UBE2E1: variants seen among roughly 807,000 people sequenced by gnomAD.
The protein encoded by UBE2E1 is ubiquitin conjugating enzyme E2 E1.
In UBE2E1, 6 loss-of-function variants were observed where a neutral mutation model predicts 21.4. The observed-to-expected ratio is 0.28, with a 90% CI of 0.15 to 0.55. The LOEUF (loss-of-function observed/expected upper bound fraction) is 0.55. Ranked by LOEUF, UBE2E1 falls within the 20% of genes least tolerant of loss-of-function variation. The probability of loss-of-function intolerance (pLI) is 0.93; values close to 1 mark genes in which losing one functional copy is unlikely to be tolerated. For synonymous variants in UBE2E1, 87 were observed against 82.7 expected (o/e 1.05, Z -0.28); for missense variants, 142 against 236.5 (o/e 0.60, Z 2.62).
At chr3:23,833,045 G>A in intron 3 of UBE2E1, among the ~76,000 whole-genome samples, 1 of 151,986 alleles carries the variant, frequency 6.6e-6, no homozygotes, top group South Asian at 2.1e-4. Flanking sequence ...AAAAGTGGGA[G>A]AAAAAGAAAA....
rs144369316 is a variant in UBE2E1, at chr3:23,818,517, T to C, written c.203+7007T>C. Among the ~76,000 whole-genome samples the C allele has an allele frequency of 1.9e-4, 29 of 152,350 alleles. 1 individual carries two copies. Among genetic ancestry groups the C allele is most frequent in the Admixed American group, 1.6e-3 (24 of 15,300 alleles). On this transcript the variant is annotated intron_variant, in intron 3 of 5. Coordinates refer to ENST00000306627, the MANE Select transcript of UBE2E1 (RefSeq NM_003341.5). ...ACAGCTACAGGAGATGTTAAAAGAA[T>C]GATACAGCAAGCGCCCACCCTTCAC... is the stretch of plus-strand genomic sequence containing the variant.
intron 3 of UBE2E1, among the ~76,000 whole-genome samples, chr3:23,847,556 G>A (rs1468913220): frequency 7.2e-6 from 1 of 138,136 alleles, no homozygotes; most frequent in East Asian, 2.2e-4. Context: ...GTGCAGTGGT[G>A]CGATCTCAGC....
chr3:23,806,212 G>T lies in UBE2E1; in HGVS notation c.-34+124G>T, dbSNP rs1175025634. On this transcript the variant is annotated intron_variant, in intron 1 of 5. Transcript: ENST00000306627. The surrounding 1 kb of genome is among the most constrained non-coding windows in gnomAD (Gnocchi z 6.5). ...CCGGGCCGCAGGGCACGGGGCCGGC[G>T]CGGGGGGGGAGCGGAGAGGGGCTGG... 1 of 148,138 alleles carries T rather than the reference G, an allele frequency of 6.8e-6. No individual in the cohort carries two copies. The highest frequency in any genetic ancestry group is 6.7e-5 in the Admixed American group (1 of 14,964). 9.2% of individuals were successfully genotyped at this position (148,138 alleles called of 1,614,324 possible).
At chr3:23,846,766 A>G (rs994823589) in intron 3 of UBE2E1, among the ~76,000 whole-genome samples, 8 of 151,640 alleles carry the variant, frequency 5.3e-5, no homozygotes, top group Admixed American at 4.6e-4. Flanking sequence ...GCTGTATTTA[A>G]TAAGTCTTGG....
chr3:23,830,070 T>G lies in UBE2E1; in HGVS notation c.203+18560T>G, dbSNP rs746836552. ...AGATACTTTGTCAAGAAAATATCTT[T>G]GGAAAAATCATGCATATATTATTTT... On this transcript the variant is annotated intron_variant, in intron 3 of 5. Coordinates refer to ENST00000306627, the MANE Select transcript of UBE2E1 (RefSeq NM_003341.5). Among the ~76,000 whole-genome samples, 248 of 152,350 alleles carry G rather than the reference T, an allele frequency of 1.6e-3. 1 individual carries two copies. The highest frequency in any genetic ancestry group is 2.3e-3 in the Non-Finnish European group (159 of 68,034).
Position 23,810,671 on chromosome 3 carries a change from C to A in UBE2E1, c.153-789C>A. ...GGTGTTCGCGCCCTGCTTTCGCGCG[C>A]GGTCTCGGGCCAAGGTTCTGGGCGC... is the stretch of plus-strand genomic sequence containing the variant. On this transcript the variant is annotated intron_variant, in intron 2 of 5. Coordinates refer to ENST00000306627, the MANE Select transcript of UBE2E1 (RefSeq NM_003341.5). The surrounding 1 kb of genome is among the most constrained non-coding windows in gnomAD (Gnocchi z 5.8). The A allele has an allele frequency of 4.0e-6, 3 of 750,820 alleles. No individual in the cohort carries two copies. Among genetic ancestry groups the A allele is most frequent in the Non-Finnish European group, 6.0e-6 (3 of 495,884 alleles). 46.5% of individuals were successfully genotyped at this position (750,820 alleles called of 1,614,324 possible). A position where few individuals can be genotyped will look rare whatever the true frequency, so the allele number is the denominator to read the frequency against.
intron 3 of UBE2E1, among the ~76,000 whole-genome samples, chr3:23,873,450 A>AT (rs5847259): frequency 0.77 from 116,695 of 152,024 alleles, 45,342 homozygotes; most frequent in African/African-American, 0.85. Context: ...CAGCAGCAAA[A>AT]TGTCAGAATT....
rs199574659 is a variant in UBE2E1, at chr3:23,889,929, T to TAC, written c.485-570_485-569dup. 2.8e-3 allele frequency: 429 copies of TAC among 155,990 alleles called. 12 individuals are homozygous for TAC. The South Asian group carries it at 0.041, about 15-fold the overall frequency. 9.7% of individuals were successfully genotyped at this position (155,990 alleles called of 1,614,324 possible). A position where few individuals can be genotyped will look rare whatever the true frequency, so the allele number is the denominator to read the frequency against. On this transcript the variant is annotated intron_variant, in intron 5 of 5. Coordinates refer to ENST00000306627, the MANE Select transcript of UBE2E1 (RefSeq NM_003341.5). ...ATATATATACACATATGTATATATA[T>TAC]ACACACACACAGACAAATATATTTT...
intron 3 of UBE2E1, among the ~76,000 whole-genome samples, chr3:23,821,630 G>A (rs546807846): frequency 7.9e-5 from 12 of 152,276 alleles, no homozygotes; most frequent in Admixed American, 5.9e-4. Flanking sequence ...GGGACCTGTT[G>A]TTGGATTGCA....
intron 3 of UBE2E1, among the ~76,000 whole-genome samples, chr3:23,811,957 A>AT (rs1028228705): frequency 1.3e-5 from 2 of 152,226 alleles, no homozygotes; most frequent in Non-Finnish European, 2.9e-5. Flanking sequence ...TAGCATATAG[A>AT]TTTTTTATTA....
At chr3:23,845,247 A>G (rs535745388) in intron 3 of UBE2E1, among the ~76,000 whole-genome samples, 2 of 152,340 alleles carry the variant, frequency 1.3e-5, no homozygotes, top group South Asian at 2.1e-4. Context: ...AATGGACAGG[A>G]TATTTTCTTC....
In UBE2E1 at chr3:23,836,761, C is replaced by T. The variant is rs965748949; in HGVS notation, c.203+25251C>T. On this transcript the variant is annotated intron_variant, in intron 3 of 5. Transcript: ENST00000306627. This position sits in a 1 kb window ranked among gnomAD's most constrained non-coding sequence, Gnocchi z 4.1. ...ACCATTGTACACTCTCTACCGTGTC[C>T]CTCAGGGGCATGTGAAAGTAAATGA... Among the ~76,000 whole-genome samples the T allele has an allele frequency of 1.3e-5, 2 of 152,052 alleles. No homozygotes were observed. The highest frequency in any genetic ancestry group is 2.1e-4 in the South Asian group (1 of 4,806).
At chr3:23,889,645 A>T in intron 5 of UBE2E1, 1 of 985,410 alleles carries the variant, frequency 1.0e-6, no homozygotes, top group South Asian at 4.7e-5. Flanking sequence ...TTCAGTGAGC[A>T]TGTGTCCCAT....
At chr3:23,845,967 A>G (rs566971147) in intron 3 of UBE2E1, among the ~76,000 whole-genome samples, 92 of 152,324 alleles carry the variant, frequency 6.0e-4, no homozygotes, top group Admixed American at 5.9e-3. Flanking sequence ...CTAGTAGACC[A>G]AACAGAAACA....
chr3:23,814,087 G>A (rs969404702), intron 3 of UBE2E1, among the ~76,000 whole-genome samples: 1 of 151,960 alleles, frequency 6.6e-6, no homozygotes, highest in African/African-American at 2.4e-5. Flanking sequence ...TAACTTCTCA[G>A]TAAATACAAA....
At chr3:23,841,132 T>TG (rs565704127) in intron 3 of UBE2E1, among the ~76,000 whole-genome samples, 234 of 152,344 alleles carry the variant, frequency 1.5e-3, no homozygotes, top group Non-Finnish European at 2.9e-3. Flanking sequence ...CTTTTAGAGA[T>TG]GCGGGTGAAC....
intron 3 of UBE2E1, among the ~76,000 whole-genome samples, chr3:23,812,315 T>G (rs767563604): frequency 5.3e-5 from 8 of 152,190 alleles, no homozygotes; most frequent in Non-Finnish European, 1.2e-4. Flanking sequence ...AGTATAACAT[T>G]TAACCTAGTT....
At chr3:23,872,180 G>T (rs993340942) in intron 3 of UBE2E1, among the ~76,000 whole-genome samples, 1 of 152,152 alleles carries the variant, frequency 6.6e-6, no homozygotes, top group Non-Finnish European at 1.5e-5. Context: ...AGACCAGCCC[G>T]GCCAACACAG....
intron 3 of UBE2E1, among the ~76,000 whole-genome samples, chr3:23,882,763 G>A (rs1054102194): frequency 3.9e-5 from 6 of 152,224 alleles, no homozygotes; most frequent in Admixed American, 2.6e-4. Flanking sequence ...CGCACCCTCT[G>A]CAGCTGCTGG....
Sources: allele counts gnomAD v4.1 joint callset (sites outside exome capture counted in the v4.1 genomes callset), GRCh38; gene constraint gnomAD v4.1.1; non-coding constraint Gnocchi (gnomAD v3.1); transcripts MANE v1.5; gene names NCBI Gene and HGNC (gene_info 2026-07-23, HGNC 2026-07-21).